HS6ST2: variants seen among roughly 807,000 people sequenced by gnomAD.
The protein encoded by HS6ST2 is heparan-sulfate 6-O-sulfotransferase 2.
Under a neutral mutation model 33.0 loss-of-function variants are expected in HS6ST2, and 17 were observed. That is an observed-to-expected ratio of 0.52 (90% CI 0.35 to 0.77). The LOEUF is 0.77. HS6ST2 is among the 30% of genes least tolerant of loss of function. HS6ST2 has a pLI of 0.01. For synonymous variants in HS6ST2, 248 were observed against 237.1 expected (o/e 1.05, Z -0.42); for missense variants, 519 against 551.7 (o/e 0.94, Z 0.59).
intron 2 of HS6ST2, among the ~76,000 whole-genome samples, chrX:132,917,280 G>T (rs930554855): frequency 9.0e-6 from 1 of 111,649 alleles, no homozygotes; most frequent in Non-Finnish European, 1.9e-5. Flanking sequence ...TGGTGGCAAG[G>T]TTCTGTCCAA....
chrX:132,799,674 G>A (rs913108424), intron 2 of HS6ST2, among the ~76,000 whole-genome samples: 2 of 111,198 alleles, frequency 1.8e-5, no homozygotes, highest in African/African-American at 6.5e-5. Context: ...GAGCTGCTGT[G>A]CCCAGCCCTC....
chrX:132,736,202 G>T (rs1021596863), intron 2 of HS6ST2, among the ~76,000 whole-genome samples: 27 of 111,410 alleles, frequency 2.4e-4, no homozygotes, highest in African/African-American at 8.2e-4. Flanking sequence ...TAGGGCCTCA[G>T]TTTCCCTTTC....
chrX:132,641,249 T>C (rs2063599548), intron 4 of HS6ST2, among the ~76,000 whole-genome samples: 1 of 112,597 alleles, frequency 8.9e-6, no homozygotes, highest in Non-Finnish European at 1.9e-5. Flanking sequence ...GTTTAAGTGA[T>C]TCTCCTGCCT....
At chrX:132,888,801 G>A (rs1302001743) in intron 2 of HS6ST2, among the ~76,000 whole-genome samples, 1 of 111,138 alleles carries the variant, frequency 9.0e-6, no homozygotes, top group African/African-American at 3.3e-5. Context: ...AACGTGTCCT[G>A]CCACAATTGG....
chrX:132,865,862 G>A (rs1387454266), intron 2 of HS6ST2, among the ~76,000 whole-genome samples: 1 of 111,405 alleles, frequency 9.0e-6, no homozygotes, highest in Non-Finnish European at 1.9e-5. Context: ...TGAGTTCATT[G>A]TAGATTCTGG....
intron 2 of HS6ST2, among the ~76,000 whole-genome samples, chrX:132,818,829 C>A (rs1257154274): frequency 8.9e-6 from 1 of 111,980 alleles, no homozygotes; most frequent in Non-Finnish European, 1.9e-5. Context: ...CCTTTGTCAT[C>A]CAAATCAGCA....
intron 2 of HS6ST2, among the ~76,000 whole-genome samples, chrX:132,834,142 A>T (rs763583198): frequency 1.3e-4 from 14 of 111,587 alleles, no homozygotes; most frequent in Non-Finnish European, 2.3e-4. Context: ...CCAAAGTTCA[A>T]GCCCTCTCAT....
At position 132,656,713 on chromosome X, in the gene HS6ST2, C is replaced by T. The variant is rs148600547; in HGVS notation, c.1067+12400G>A. 2.0e-3 allele frequency among the ~76,000 whole-genome samples: 223 copies of T among 111,924 alleles called. 8 individuals carry two copies. The East Asian group carries it at 0.05, about 25-fold the overall frequency. On this transcript the variant is annotated intron_variant, in intron 4 of 4. Coordinates refer to ENST00000370833, the MANE Select transcript of HS6ST2 (RefSeq NM_001394073.1). ...TTTTGGTTTTCCATTCTAGCAGCAG[C>T]AGGGCTTTAAAAAATGAAATCTAGG...
At position 132,767,754 on chromosome X, in the gene HS6ST2, T is replaced by C. The variant is rs186777279; in HGVS notation, c.948-59260A>G. ...CTCTATGCTCGGCATGGTGCTCCTA[T>C]GCTTTGCATGCTTAATCTCATTTAA... On this transcript the variant is annotated intron_variant, in intron 2 of 4. Coordinates refer to ENST00000370833, the MANE Select transcript of HS6ST2 (RefSeq NM_001394073.1). Among the ~76,000 whole-genome samples the C allele has an allele frequency of 5.4e-5, 6 of 111,165 alleles. No homozygotes were observed. The East Asian group carries it at 1.4e-3, about 27-fold the overall frequency.
Position 132,944,140 on chromosome X carries a change from T to C in HS6ST2, c.947+12668A>G, listed in dbSNP as rs1264245507. Among the ~76,000 whole-genome samples the C allele has an allele frequency of 5.4e-5, 6 of 112,046 alleles. No homozygotes were observed. The East Asian group carries it at 1.7e-3, about 31-fold the overall frequency. Reference sequence around the variant, plus strand: ...GTCTCAGCCCAAAACCTCCTTAAGCTGATAAGCAACTTCAGCAAAGTCTCA... The same window carrying C: ...GTCTCAGCCCAAAACCTCCTTAAGCCGATAAGCAACTTCAGCAAAGTCTCA... On this transcript the variant is annotated intron_variant, in intron 2 of 4. Coordinates refer to ENST00000370833, the MANE Select transcript of HS6ST2 (RefSeq NM_001394073.1).
intron 2 of HS6ST2, among the ~76,000 whole-genome samples, chrX:132,952,491 A>G (rs1187968295): frequency 9.0e-6 from 1 of 111,162 alleles, no homozygotes; most frequent in Non-Finnish European, 1.9e-5. Context: ...TCACTGCAAA[A>G]TCAAGGAGAA....
At position 132,830,720 on chromosome X, in the gene HS6ST2, A is replaced by T. The variant is rs1216566976; in HGVS notation, c.948-122226T>A. 3.6e-5 allele frequency among the ~76,000 whole-genome samples: 4 copies of T among 111,597 alleles called. No individual in the cohort carries two copies. The Admixed American group carries it at 3.8e-4, about 11-fold the overall frequency. Reference sequence around the variant, plus strand: ...GCCAAAACCGTTAGAAAGAGCCTGAACCTTGTCTTTATGAGGCCTCCTTCA... The same window carrying T: ...GCCAAAACCGTTAGAAAGAGCCTGATCCTTGTCTTTATGAGGCCTCCTTCA... On this transcript the variant is annotated intron_variant, in intron 2 of 4. Transcript: ENST00000370833.
At chrX:132,855,698 G>T (rs2148412083) in intron 2 of HS6ST2, among the ~76,000 whole-genome samples, 1 of 112,099 alleles carries the variant, frequency 8.9e-6, no homozygotes, top group Admixed American at 9.5e-5. Flanking sequence ...GTTGGACTGT[G>T]TTTAATCCTC....
At chrX:132,957,461 G>C (rs970313354) in intron 1 of HS6ST2, 135 bp from the exon 2 acceptor site, 26 of 721,707 alleles carry the variant, frequency 3.6e-5, no homozygotes, top group Non-Finnish European at 4.7e-5. Context: ...ACTCCACGGC[G>C]GCGGCGGCTG....
At chrX:132,923,062 C>CAA (rs34136355) in intron 2 of HS6ST2, among the ~76,000 whole-genome samples, 1,670 of 46,800 alleles carry the variant, frequency 0.036, 70 homozygotes, top group African/African-American at 0.074. Context: ...GACTCTGTCT[C>CAA]AAAAAAAAAA....
chrX:132,685,137 C>T (rs963788082), intron 3 of HS6ST2, among the ~76,000 whole-genome samples: 6 of 111,459 alleles, frequency 5.4e-5, no homozygotes, highest in Middle Eastern at 4.6e-3. Context: ...ACAGAGGCTC[C>T]CTCTTAAGAC....
intron 2 of HS6ST2, among the ~76,000 whole-genome samples, chrX:132,719,947 G>C (rs1003323471): frequency 1.8e-5 from 2 of 112,245 alleles, no homozygotes; most frequent in African/African-American, 6.5e-5. Context: ...AAGGTTGCTG[G>C]GGCTGCCTGT....
At chrX:132,945,448 G>A (rs979526682) in intron 2 of HS6ST2, among the ~76,000 whole-genome samples, 4 of 111,635 alleles carry the variant, frequency 3.6e-5, no homozygotes, top group African/African-American at 9.8e-5. Context: ...TCAGTGTGGC[G>A]ATTCCTCAGG....
intron 1 of HS6ST2, 95 bp from the exon 2 acceptor site, chrX:132,957,421 G>GC: frequency 1.1e-6 from 1 of 947,771 alleles, no homozygotes; most frequent in South Asian, 2.5e-5. Context: ...CCGCTGCTGC[G>GC]CCCCTCTCCC....
Sources: gnomAD v4.1 joint callset for allele counts (sites outside exome capture counted in the v4.1 genomes callset) on GRCh38, gnomAD v4.1.1 for gene constraint, MANE v1.5 for transcripts, NCBI Gene and HGNC (gene_info 2026-07-23, HGNC 2026-07-21) for gene names.